SDC3: variants seen among roughly 807,000 people sequenced by gnomAD.
SDC3 encodes the protein syndecan 3, also known as syndecan-3.
SDC3 carries 13 observed loss-of-function variants against 24.4 expected under a neutral mutation model. That is an observed-to-expected ratio of 0.53 (90% CI 0.35 to 0.85). The LOEUF is 0.85. Ranked by LOEUF, SDC3 falls within the 40% of genes least tolerant of loss-of-function variation. SDC3 has a pLI of 0.01. For missense variants in SDC3, 571 were observed against 584.5 expected (o/e 0.98, Z 0.24); for synonymous variants, 295 against 260.9 (o/e 1.13, Z -1.26).
At chr1:30,891,866 A>G (rs1378025606) in intron 1 of SDC3, among the ~76,000 whole-genome samples, 2 of 150,060 alleles carry the variant, frequency 1.3e-5, no homozygotes, top group East Asian at 3.9e-4. Context: ...AAAAAAAAAA[A>G]GAGGAAGAAG....
At chr1:30,880,171 C>T (rs1639718447) in intron 1 of SDC3, among the ~76,000 whole-genome samples, 2 of 152,222 alleles carry the variant, frequency 1.3e-5, no homozygotes, top group South Asian at 2.1e-4. Flanking sequence ...CAGTAGCCAT[C>T]GACATGACAA....
intron 1 of SDC3, among the ~76,000 whole-genome samples, chr1:30,892,678 C>A (rs1639924439): frequency 6.6e-6 from 1 of 152,194 alleles, no homozygotes; most frequent in Non-Finnish European, 1.5e-5. Context: ...ACTCCCCCAA[C>A]ATTTACCATG....
At chr1:30,880,625 A>G (rs2124317626) in intron 1 of SDC3, 1 of 152,200 alleles carries the variant, frequency 6.6e-6, no homozygotes, top group Non-Finnish European at 1.5e-5. Context: ...CGGGAACTTA[A>G]TGCGAGGACA....
At chr1:30,896,403 T>C (rs1639998842) in intron 1 of SDC3, among the ~76,000 whole-genome samples, 1 of 151,918 alleles carries the variant, frequency 6.6e-6, no homozygotes. Flanking sequence ...CAAAGAATCC[T>C]AACAGGTAGA....
chr1:30,908,925 G>T (rs1260458839), upstream of SDC3, among the ~76,000 whole-genome samples: 2 of 151,220 alleles, frequency 1.3e-5, no homozygotes, highest in Non-Finnish European at 3.0e-5. Context: ...CCCAGAGGGA[G>T]CCCCGCGCTG....
chr1:30,908,578 C>A lies in SDC3; in HGVS notation c.9G>T (p.Pro3=), dbSNP rs1485760370. 1 of 976,126 alleles carries A rather than the reference C, an allele frequency of 1.0e-6. No homozygotes were observed. Among genetic ancestry groups the A allele is most frequent in the Admixed American group, 6.4e-5 (1 of 15,548 alleles). 60.5% of individuals were successfully genotyped at this position (976,126 alleles called of 1,614,324 possible). Residue 3 remains proline, a synonymous_variant, in exon 1 of 5, where the codon CCG becomes CCT. Transcript: ENST00000339394. MK[P]GPPHRAGAAH... The stretch of plus-strand genomic sequence containing the variant: ...CGGCCCCGGCACGGTGCGGCGGCCC[C>A]GGCTTCATGGCGGCGGCGCGGGCGC...
chr1:30,895,478 G>A (rs1013658247), intron 1 of SDC3, among the ~76,000 whole-genome samples: 2 of 152,188 alleles, frequency 1.3e-5, no homozygotes, highest in African/African-American at 2.4e-5. Context: ...TCAGCCCCGG[G>A]GAAGCTGTTC....
chr1:30,887,326 G>A (rs1157958821), intron 1 of SDC3, among the ~76,000 whole-genome samples: 1 of 152,086 alleles, frequency 6.6e-6, no homozygotes, highest in Non-Finnish European at 1.5e-5. Flanking sequence ...GGAGTTAGGT[G>A]TTCCCGCCCT....
At chr1:30,895,964 C>T (rs1355254242) in intron 1 of SDC3, among the ~76,000 whole-genome samples, 2 of 152,222 alleles carry the variant, frequency 1.3e-5, no homozygotes, top group African/African-American at 2.4e-5. Context: ...CCTGAGCCTC[C>T]GAGCCCACAG....
At chr1:30,895,388 C>G (rs888615779) in intron 1 of SDC3, among the ~76,000 whole-genome samples, 4 of 152,210 alleles carry the variant, frequency 2.6e-5, no homozygotes, top group African/African-American at 9.7e-5. Flanking sequence ...ATTGTCCCCA[C>G]AAGCCCCCCA....
intron 1 of SDC3, among the ~76,000 whole-genome samples, chr1:30,881,855 C>A (rs1391216525): frequency 6.6e-6 from 1 of 152,188 alleles, no homozygotes; most frequent in Non-Finnish European, 1.5e-5. Context: ...TTGTCCTGGA[C>A]ATTCCTGAGC....
chr1:30,905,048 T>TACA (rs1385242903), intron 1 of SDC3, among the ~76,000 whole-genome samples: 11 of 152,286 alleles, frequency 7.2e-5, no homozygotes, highest in Admixed American at 2.6e-4. Context: ...AGCATACAGC[T>TACA]GTGGTGTCCC....
chr1:30,874,461 A>T lies in SDC3; in HGVS notation c.998T>A (p.Val333Glu). The change falls in exon 4 of 5, where the codon GTG (valine) becomes GAG (glutamate). Residue 333 changes from valine to glutamate, a missense_variant. Val to Glu is a moderately radical substitution (Grantham distance 121). Coordinates refer to ENST00000339394, the MANE Select transcript of SDC3 (RefSeq NM_014654.4). ...ETTQPDTANE[V>E]VAVGGAAAKA... is the part of the protein sequence containing the mutation. Reference sequence around the variant, plus strand: ...GGCCGCAGCCCCTCCCACAGCTACCACCTCATTGGCTGTGTCTGGTTGTGT... The same window carrying T: ...GGCCGCAGCCCCTCCCACAGCTACCTCCTCATTGGCTGTGTCTGGTTGTGT... 4.3e-6 allele frequency: 7 copies of T among 1,613,998 alleles called. No individual in the cohort carries two copies. The highest frequency in any genetic ancestry group is 5.9e-6 in the Non-Finnish European group (7 of 1,179,978).
Position 30,877,039 on chromosome 1 carries a change from T to C in SDC3, c.383A>G (p.Glu128Gly). 1 of 1,613,812 alleles carries C rather than the reference T, an allele frequency of 6.2e-7. No individual in the cohort carries two copies. Among genetic ancestry groups the C allele is most frequent in the Non-Finnish European group, 8.5e-7 (1 of 1,179,942 alleles). ...NIQPVGTPFE[E>G]LPSERPTLEP... ...CAGGGTGGGGCGCTCAGAGGGGAGCTCTTCAAATGGTGTGCCCACAGGCTG... is the reference window on the plus strand; with the variant it reads ...CAGGGTGGGGCGCTCAGAGGGGAGCCCTTCAAATGGTGTGCCCACAGGCTG... Residue 128 changes from glutamate (E) to glycine (G), a missense_variant, in exon 3 of 5, where the codon GAG (glutamate) becomes GGG (glycine). Glu to Gly is a moderately conservative substitution (Grantham distance 98). Transcript: ENST00000339394.
intron 2 of SDC3, 177 bp from the exon 3 acceptor site, chr1:30,877,342 T>C: frequency 1.2e-6 from 1 of 828,448 alleles, no homozygotes; most frequent in Non-Finnish European, 1.9e-6. Context: ...GGTGGTCAGT[T>C]GCTGATGTTC....
intron 4 of SDC3, among the ~76,000 whole-genome samples, 178 bp from the exon 5 acceptor site, chr1:30,873,555 C>T (rs1293849584): frequency 6.6e-6 from 1 of 152,076 alleles, no homozygotes; most frequent in Non-Finnish European, 1.5e-5. Flanking sequence ...CCTTCACTGG[C>T]TGCATTCTAA....
chr1:30,909,495 C>T (rs1638609910), upstream of SDC3, among the ~76,000 whole-genome samples: 1 of 152,162 alleles, frequency 6.6e-6, no homozygotes, highest in Non-Finnish European at 1.5e-5. Context: ...TGCAGGATGG[C>T]GAGAAAAGTA....
At chr1:30,878,855 G>C (rs1418548558) in intron 1 of SDC3, 115 bp from the exon 2 acceptor site, 1 of 784,254 alleles carries the variant, frequency 1.3e-6, no homozygotes, top group African/African-American at 1.7e-5. Context: ...GGGTGACAGA[G>C]ATCTTGTGTG....
chr1:30,895,124 T>C (rs189110197), intron 1 of SDC3, among the ~76,000 whole-genome samples: 3 of 152,026 alleles, frequency 2.0e-5, no homozygotes, highest in African/African-American at 4.8e-5. Flanking sequence ...GGACAGCAGT[T>C]GGGGGACTCC....
Sources: gnomAD v4.1 joint callset for allele counts (sites outside exome capture counted in the v4.1 genomes callset) on GRCh38, gnomAD v4.1.1 for gene constraint, MANE v1.5 for transcripts, NCBI Gene and HGNC (gene_info 2026-07-23, HGNC 2026-07-21) for gene names.